Variants in DNAJC1 observed in about 807,000 individuals in gnomAD.
DNAJC1 encodes the protein DnaJ heat shock protein family (Hsp40) member C1, also known as dnaJ homolog subfamily C member 1.
In DNAJC1, 58 loss-of-function variants were observed where a neutral mutation model predicts 76.6. That is an observed-to-expected ratio of 0.76 (90% CI 0.61 to 0.94). The LOEUF is 0.94. Ranked by LOEUF, DNAJC1 falls within the 40% of genes least tolerant of loss-of-function variation. The pLI is 0.00. For missense variants in DNAJC1, 689 were observed against 677.3 expected, an observed-to-expected ratio of 1.02 and a Z score of -0.19; for synonymous variants, 258 against 267.9, an observed-to-expected ratio of 0.96 and a Z score of 0.36.
At chr10:21,980,103 C>G (rs1011604440) in intron 1 of DNAJC1, among the ~76,000 whole-genome samples, 15 of 151,980 alleles carry the variant, frequency 9.9e-5, no homozygotes, top group African/African-American at 3.6e-4. Flanking sequence ...ATATTATTAG[C>G]TACAAATATC....
At chr10:21,905,156 TTGAGGAC>T (rs1196180014) in intron 6 of DNAJC1, among the ~76,000 whole-genome samples, 1 of 151,816 alleles carries the variant, frequency 6.6e-6, no homozygotes, top group East Asian at 1.9e-4. Context: ...GTCTTGAGGA[TTGAGGAC>T]TGAGGACACA....
At chr10:21,907,882 G>A (rs1836772524) in intron 6 of DNAJC1, among the ~76,000 whole-genome samples, 1 of 149,090 alleles carries the variant, frequency 6.7e-6, no homozygotes, top group Non-Finnish European at 1.5e-5. Context: ...GGAGGCTGAG[G>A]CAAGAGAATT....
intron 7 of DNAJC1, among the ~76,000 whole-genome samples, chr10:21,900,172 G>A (rs1836625200): frequency 6.6e-6 from 1 of 151,808 alleles, no homozygotes; most frequent in African/African-American, 2.4e-5. Flanking sequence ...GTGAAACCCC[G>A]TTTCTATTAA....
chr10:21,953,800 T>A (rs1590064937), intron 1 of DNAJC1, among the ~76,000 whole-genome samples: 1 of 64,480 alleles, frequency 1.6e-5, no homozygotes, highest in African/African-American at 7.1e-5. Context: ...CATCAAGTGG[T>A]AAAAAACTAA....
chr10:21,927,420 C>A (rs974619897), intron 3 of DNAJC1, among the ~76,000 whole-genome samples: 2 of 152,054 alleles, frequency 1.3e-5, no homozygotes, highest in African/African-American at 4.8e-5. Context: ...GATGTATTAC[C>A]CCCCTAGTGA....
intron 8 of DNAJC1, among the ~76,000 whole-genome samples, chr10:21,873,282 T>C (rs1836134096): frequency 6.6e-6 from 1 of 152,180 alleles, no homozygotes; most frequent in Admixed American, 6.5e-5. Context: ...GAGGGGTTCT[T>C]GCCTGCGGCT....
At position 21,868,418 on chromosome 10, in the gene DNAJC1, C is replaced by T. The variant is rs75937357; in HGVS notation, c.978+13864G>A. ...GATTACAGGCGTGAGCCACCATGCC[C>T]GGCCAAAAATATTCTTAAATAGAGA... On this transcript the variant is annotated intron_variant, in intron 8 of 11. Coordinates refer to ENST00000376980, the MANE Select transcript of DNAJC1 (RefSeq NM_022365.4). Among the ~76,000 whole-genome samples, 63 of 151,830 alleles carry T rather than the reference C, an allele frequency of 4.1e-4. No homozygotes were observed. The East Asian group carries it at 0.011, about 27-fold the overall frequency.
intron 1 of DNAJC1, among the ~76,000 whole-genome samples, chr10:21,972,005 A>G (rs1382350378): frequency 6.6e-6 from 1 of 151,942 alleles, no homozygotes; most frequent in East Asian, 1.9e-4. Flanking sequence ...TATTTTGTAT[A>G]TATCTGCATA....
chr10:21,806,722 C>T (rs1302015632), intron 8 of DNAJC1, among the ~76,000 whole-genome samples: 3 of 148,986 alleles, frequency 2.0e-5, no homozygotes, highest in African/African-American at 4.9e-5. Flanking sequence ...TTTTAAACTT[C>T]GGAACAGAAA....
chr10:21,908,497 G>GT (rs1554896068), intron 6 of DNAJC1, among the ~76,000 whole-genome samples: 2 of 148,780 alleles, frequency 1.3e-5, no homozygotes, highest in East Asian at 2.0e-4. Flanking sequence ...CATGGGGGGG[G>GT]GGTGAATTCA....
At chr10:21,798,205 C>T (rs1834770552) in intron 9 of DNAJC1, among the ~76,000 whole-genome samples, 1 of 152,210 alleles carries the variant, frequency 6.6e-6, no homozygotes, top group East Asian at 1.9e-4. Flanking sequence ...CCTCTACCAA[C>T]AACCTCTAGT....
chr10:21,781,382 AAACT>A (rs1834525195), intron 9 of DNAJC1, among the ~76,000 whole-genome samples: 1 of 152,184 alleles, frequency 6.6e-6, no homozygotes, highest in South Asian at 2.1e-4. Flanking sequence ...AAATTATAAC[AAACT>A]GTCTCTCAGA....
At position 21,832,916 on chromosome 10, in the gene DNAJC1, C is replaced by G. The variant is rs144142685; in HGVS notation, c.979-26817G>C. 1.2e-3 allele frequency among the ~76,000 whole-genome samples: 182 copies of G among 152,310 alleles called. 2 individuals carry two copies. The highest frequency in any genetic ancestry group is 2.0e-3 in the Admixed American group (30 of 15,298). ...TCAAGAATCCTTTGACCCAGCTAAA[C>G]TAAATTACTCACTGTTCCTGATGAT... On this transcript the variant is annotated intron_variant, in intron 8 of 11. Coordinates refer to ENST00000376980, the MANE Select transcript of DNAJC1 (RefSeq NM_022365.4).
At chr10:21,775,750 A>G (rs1167128759) in intron 9 of DNAJC1, among the ~76,000 whole-genome samples, 1 of 152,150 alleles carries the variant, frequency 6.6e-6, no homozygotes, top group Non-Finnish European at 1.5e-5. Flanking sequence ...GTTTCAGAAG[A>G]TATAGGACTT....
chr10:21,817,037 G>GT (rs1356347231), intron 8 of DNAJC1, among the ~76,000 whole-genome samples: 7 of 149,174 alleles, frequency 4.7e-5, no homozygotes, highest in Admixed American at 4.0e-4. Context: ...GCGGGTGCCT[G>GT]TAGTCCCAGC....
intron 6 of DNAJC1, among the ~76,000 whole-genome samples, chr10:21,916,667 T>C (rs1348381764): frequency 1.3e-5 from 2 of 152,138 alleles, no homozygotes; most frequent in African/African-American, 4.8e-5. Flanking sequence ...TGAAAAAGAC[T>C]TGTTGTAAAT....
chr10:21,818,213 C>T (rs1252186123), intron 8 of DNAJC1, among the ~76,000 whole-genome samples: 3 of 152,248 alleles, frequency 2.0e-5, no homozygotes, highest in East Asian at 3.9e-4. Flanking sequence ...TCTAAAATGG[C>T]CCCCTTAGGT....
intron 8 of DNAJC1, among the ~76,000 whole-genome samples, chr10:21,853,128 C>A (rs1021320067): frequency 6.6e-6 from 1 of 152,176 alleles, no homozygotes; most frequent in Admixed American, 6.5e-5. Flanking sequence ...AACTTCTTAT[C>A]TTGGCATTCA....
At chr10:21,995,054 C>T (rs1049224203) in intron 1 of DNAJC1, among the ~76,000 whole-genome samples, 10 of 151,250 alleles carry the variant, frequency 6.6e-5, no homozygotes, top group African/African-American at 7.3e-5. Flanking sequence ...TATCTGTTAA[C>T]GAAAAGTGTG....
Sources: allele counts gnomAD v4.1 joint callset (sites outside exome capture counted in the v4.1 genomes callset), GRCh38; gene constraint gnomAD v4.1.1; transcripts MANE v1.5; gene names NCBI Gene and HGNC (gene_info 2026-07-23, HGNC 2026-07-21).